Variants in MYO3A observed in about 807,000 individuals in gnomAD.
MYO3A encodes the protein myosin IIIA.
In MYO3A, 180 loss-of-function variants were observed where a neutral mutation model predicts 192.7. The observed-to-expected ratio is 0.93, with a 90% CI of 0.83 to 1.06. The LOEUF is 1.06. MYO3A is among the 50% of genes least tolerant of loss of function. MYO3A has a pLI of 0.00. For synonymous variants in MYO3A, 628 were observed against 645.3 expected, an observed-to-expected ratio of 0.97 and a Z score of 0.41; for missense variants, 1,896 against 1,905.0, an observed-to-expected ratio of 1.00 and a Z score of 0.09.
At chr10:26,164,255 G>C (rs920962559) in intron 26 of MYO3A, among the ~76,000 whole-genome samples, 1 of 152,154 alleles carries the variant, frequency 6.6e-6, no homozygotes, top group African/African-American at 2.4e-5. Flanking sequence ...TAAGGTGTTT[G>C]CTTTGTAACA....
chr10:25,968,220 T>G (rs914468197), intron 4 of MYO3A, among the ~76,000 whole-genome samples: 6 of 152,218 alleles, frequency 3.9e-5, no homozygotes, highest in South Asian at 2.1e-4. Flanking sequence ...GAATGGCCAC[T>G]GGTTTGTCAT....
chr10:26,042,403 C>T (rs77464983), intron 10 of MYO3A, among the ~76,000 whole-genome samples: 1 of 151,864 alleles, frequency 6.6e-6, no homozygotes, highest in Non-Finnish European at 1.5e-5. Flanking sequence ...AACTTTCTAC[C>T]CCTCTTTCTC....
intron 6 of MYO3A, among the ~76,000 whole-genome samples, chr10:26,002,721 A>C (rs577635557): frequency 1.1e-3 from 168 of 148,742 alleles, no homozygotes; most frequent in South Asian, 3.3e-3. Flanking sequence ...TAATTGAAAA[A>C]GGTTGCTTTA....
In MYO3A at chr10:26,088,342, CG is replaced by C. The variant is rs771183577; in HGVS notation, c.1501del (p.Val501Ter). 41 of 1,613,710 alleles carry C rather than the reference CG, an allele frequency of 2.5e-5. No individual in the cohort carries two copies. Among genetic ancestry groups the C allele is most frequent in the Admixed American group, 6.7e-5 (4 of 59,986 alleles). The part of the protein sequence containing the change: ...YLEMKFTSSG[A>X]VVGAQISEYL... ...GAAATGAAATTCACCTCTTCTGGAG[CG>C]GTAGTGGGAGCACAGATTTCTGAAT... On this transcript the variant is annotated frameshift_variant, in exon 15 of 35. Transcript: ENST00000642920. LOFTEE classifies it high-confidence loss of function.
In MYO3A at chr10:26,026,385, C is replaced by T; in HGVS notation, c.806C>T (p.Thr269Ile). 1.2e-6 allele frequency: 2 copies of T among 1,614,074 alleles called. No homozygotes were observed. The highest frequency in any genetic ancestry group is 1.7e-6 in the Non-Finnish European group (2 of 1,179,998). Residue 269 changes from threonine to isoleucine, a missense_variant, in exon 10 of 35, where the codon ACT (threonine) becomes ATT (isoleucine). Physicochemically the swap from Thr to Ile is moderately conservative, Grantham distance 89. Coordinates refer to ENST00000642920, the MANE Select transcript of MYO3A (RefSeq NM_017433.5). ...EFNDFISKCLTKDYEKRPTVS... is the reference protein window; with the variant it reads ...EFNDFISKCLIKDYEKRPTVS... The stretch of plus-strand genomic sequence containing the variant: ...CTTTTTTGCCAGTGCAGGTGCTTGA[C>T]TAAAGATTATGAAAAGCGTCCAACA...
Position 26,161,225 on chromosome 10 carries a change from TA to T in MYO3A, c.2999+3713del, listed in dbSNP as rs554633661. Among the ~76,000 whole-genome samples, 462 of 152,342 alleles carry T rather than the reference TA, an allele frequency of 3.0e-3. 6 individuals carry two copies. Among genetic ancestry groups the T allele is most frequent in the Admixed American group, 0.02 (305 of 15,300 alleles). ...AATTTTCAGAGGTTCTATGGGGGTG[TA>T]AATAGAACTGCTAATCCTCTGCATA... On this transcript the variant is annotated intron_variant, in intron 26 of 34. Transcript: ENST00000642920.
intron 6 of MYO3A, among the ~76,000 whole-genome samples, chr10:26,009,793 G>T (rs182130381): frequency 3.6e-4 from 55 of 152,176 alleles, no homozygotes; most frequent in African/African-American, 1.1e-3. Context: ...AAGTATTTTG[G>T]ACTAGAACTA....
chr10:26,039,897 T>G (rs1843247586), intron 10 of MYO3A, among the ~76,000 whole-genome samples: 1 of 152,102 alleles, frequency 6.6e-6, no homozygotes, highest in Non-Finnish European at 1.5e-5. Context: ...ATCTTTATTA[T>G]TTCTTTTCTT....
At chr10:26,057,197 G>A (rs952546098) in intron 10 of MYO3A, among the ~76,000 whole-genome samples, 28 of 152,210 alleles carry the variant, frequency 1.8e-4, no homozygotes, top group Non-Finnish European at 1.0e-4. Context: ...ATTGTCCTTT[G>A]AAAAGTTGAC....
At chr10:26,041,320 T>C (rs1306905136) in intron 10 of MYO3A, among the ~76,000 whole-genome samples, 1 of 150,690 alleles carries the variant, frequency 6.6e-6, no homozygotes, top group Non-Finnish European at 1.5e-5. Flanking sequence ...AACAGATCAT[T>C]TGGTTTTAGT....
chr10:25,987,443 C>T (rs1839723689), intron 4 of MYO3A, among the ~76,000 whole-genome samples: 1 of 152,118 alleles, frequency 6.6e-6, no homozygotes, highest in African/African-American at 2.4e-5. Flanking sequence ...AGTGAGAGAA[C>T]ATCTTCAAAA....
At chr10:26,064,512 A>G (rs970761492) in intron 10 of MYO3A, among the ~76,000 whole-genome samples, 1 of 152,030 alleles carries the variant, frequency 6.6e-6, no homozygotes. Flanking sequence ...TAATAATGGT[A>G]AGATCAGGAA....
rs146487533 is a variant in MYO3A, at chr10:26,045,835, A to G, written c.953+19303A>G. Among the ~76,000 whole-genome samples, 7 of 152,188 alleles carry G rather than the reference A, an allele frequency of 4.6e-5. No individual in the cohort carries two copies. The East Asian group carries it at 5.8e-4, about 13-fold the overall frequency. Reference sequence around the variant, plus strand: ...GATCATAAGACCCACTCTTTATCCAATCTCGTTTCTACAAGGTTGTCCATG... The same window carrying G: ...GATCATAAGACCCACTCTTTATCCAGTCTCGTTTCTACAAGGTTGTCCATG... On this transcript the variant is annotated intron_variant, in intron 10 of 34. Coordinates refer to ENST00000642920, the MANE Select transcript of MYO3A (RefSeq NM_017433.5).
At chr10:26,171,451 A>G (rs1184644181) in intron 29 of MYO3A, among the ~76,000 whole-genome samples, 1 of 150,174 alleles carries the variant, frequency 6.7e-6, no homozygotes, top group Non-Finnish European at 1.5e-5. Flanking sequence ...GGTCTCACAG[A>G]TGATCTCATA....
chr10:26,193,349 A>C (rs1310130375), intron 32 of MYO3A, 38 bp downstream of exon 32: 1 of 1,466,634 alleles, frequency 6.8e-7, no homozygotes, highest in South Asian at 1.1e-5. Context: ...GGGAGCCATC[A>C]CATCTACTAA....
intron 4 of MYO3A, among the ~76,000 whole-genome samples, chr10:25,981,104 C>T (rs1426951913): frequency 6.6e-6 from 1 of 152,082 alleles, no homozygotes; most frequent in East Asian, 1.9e-4. Flanking sequence ...AGTATGTAGC[C>T]TTTTCAGATT....
intron 17 of MYO3A, among the ~76,000 whole-genome samples, chr10:26,116,548 GAC>G (rs1469359358): frequency 6.6e-6 from 1 of 152,068 alleles, no homozygotes; most frequent in Admixed American, 6.6e-5. Context: ...ATCTGAGGGG[GAC>G]ACAATTCAAC....
intron 4 of MYO3A, among the ~76,000 whole-genome samples, chr10:25,976,771 A>G (rs1482833476): frequency 6.6e-6 from 1 of 152,154 alleles, no homozygotes. Flanking sequence ...AAAACTATAC[A>G]TAATTATTTT....
intron 14 of MYO3A, among the ~76,000 whole-genome samples, chr10:26,074,821 A>G (rs1835432283): frequency 2.0e-5 from 3 of 151,886 alleles, no homozygotes; most frequent in Admixed American, 6.6e-5. Context: ...GCCAATGCCA[A>G]TGTCCAGAAG....
Sources: gnomAD v4.1 joint callset for allele counts (sites outside exome capture counted in the v4.1 genomes callset) on GRCh38, gnomAD v4.1.1 for gene constraint, MANE v1.5 for transcripts, NCBI Gene and HGNC (gene_info 2026-07-23, HGNC 2026-07-21) for gene names.